The following DSCAML1 variants were observed in gnomAD, a reference collection of about 807,000 sequenced individuals.
DSCAML1 encodes DS cell adhesion molecule like 1, also known as cell adhesion molecule DSCAML1.
In DSCAML1, 38 loss-of-function variants were observed where a neutral mutation model predicts 200.5. The observed-to-expected ratio is 0.19, with a 90% confidence interval of 0.15 to 0.25. The LOEUF is 0.25. Ranked by LOEUF, DSCAML1 falls within the 10% of genes least tolerant of loss-of-function variation. DSCAML1 has a pLI of 1.00. For synonymous variants in DSCAML1, 1,215 were observed against 1,165.0 expected, an observed-to-expected ratio of 1.04 and a Z score of -0.87; for missense variants, 2,223 against 2,858.8, an observed-to-expected ratio of 0.78 and a Z score of 5.07.
intron 3 of DSCAML1, among the ~76,000 whole-genome samples, chr11:117,546,943 T>C (rs1023791277): frequency 6.6e-6 from 1 of 152,142 alleles, no homozygotes; most frequent in Non-Finnish European, 1.5e-5. Context: ...CTCAGCCCCA[T>C]TGTAATAGCA....
At chr11:117,548,522 CACCGTTGGGCCACAGCCTG>C (rs2050417858) in intron 3 of DSCAML1, among the ~76,000 whole-genome samples, 1 of 152,242 alleles carries the variant, frequency 6.6e-6, no homozygotes, top group African/African-American at 2.4e-5. Context: ...TCACGGCTCC[CACCGTTGGGCCACAGCCTG>C]GGACCCAGGA....
chr11:117,629,822 C>A (rs1374784405), intron 3 of DSCAML1, among the ~76,000 whole-genome samples: 2 of 152,090 alleles, frequency 1.3e-5, no homozygotes, highest in Admixed American at 6.5e-5. Flanking sequence ...TAGATCAAGA[C>A]CCCATCGCTA....
At chr11:117,789,085 A>C (rs1203800505) in intron 1 of DSCAML1, among the ~76,000 whole-genome samples, 5 of 152,164 alleles carry the variant, frequency 3.3e-5, no homozygotes, top group African/African-American at 1.2e-4. Context: ...GCACAGCTCA[A>C]GTGTCCTCCC....
intron 19 of DSCAML1, among the ~76,000 whole-genome samples, chr11:117,453,518 T>C (rs1280897976): frequency 6.6e-6 from 1 of 152,188 alleles, no homozygotes; most frequent in Non-Finnish European, 1.5e-5. Context: ...TTAGGTATAA[T>C]ATCATAGGTT....
chr11:117,464,614 C>T (rs765717715), intron 17 of DSCAML1, among the ~76,000 whole-genome samples: 1 of 151,956 alleles, frequency 6.6e-6, no homozygotes, highest in Non-Finnish European at 1.5e-5. Context: ...GGTTAGCGTG[C>T]CAGGAAGAAG....
chr11:117,804,660 G>T (rs1159163321), intron 1 of DSCAML1, among the ~76,000 whole-genome samples: 1 of 152,146 alleles, frequency 6.6e-6, no homozygotes, highest in Non-Finnish European at 1.5e-5. Context: ...TCCGGGCATG[G>T]TGGCTCACGC....
At position 117,435,704 on chromosome 11, in the gene DSCAML1, C is replaced by A. The variant is rs138082991; in HGVS notation, c.4816G>T (p.Val1606Leu). ...GCPVILATLG[V>L]ALLFIVRKKR... is the part of the protein sequence containing the mutation. ...TTGCGTACGATGAAGAGCAGTGCCA[C>A]CCCCAGTGTGGCCAGGATGACAGGG... Residue 1606 changes from valine (V) to leucine (L), a missense_variant, in exon 27 of 33, where the codon GTG becomes TTG. Coordinates refer to ENST00000651296, the MANE Select transcript of DSCAML1 (RefSeq NM_020693.4). 2 of 1,612,814 alleles carry A rather than the reference C, an allele frequency of 1.2e-6. No homozygotes were observed. The highest frequency in any genetic ancestry group is 2.7e-5 in the African/African-American group (2 of 74,930).
At position 117,783,681 on chromosome 11, in the gene DSCAML1, T is replaced by C. The variant is rs11216544; in HGVS notation, c.47-2871A>G. 3.2e-3 allele frequency among the ~76,000 whole-genome samples: 483 copies of C among 152,322 alleles called. 2 individuals carry two copies. Among genetic ancestry groups the C allele is most frequent in the African/African-American group, 0.011 (455 of 41,578 alleles). On this transcript the variant is annotated intron_variant, in intron 1 of 32. Coordinates refer to ENST00000651296, the MANE Select transcript of DSCAML1 (RefSeq NM_020693.4). ...TCCCCAAAGTGATACAATGTGCAAA[T>C]GCCAGAGCTGGGGCTAGAACCCAGC... is the stretch of plus-strand genomic sequence containing the variant.
chr11:117,547,186 G>T (rs570810383), intron 3 of DSCAML1, among the ~76,000 whole-genome samples: 1 of 152,132 alleles, frequency 6.6e-6, no homozygotes, highest in Non-Finnish European at 1.5e-5. Flanking sequence ...GAGCCCAGCC[G>T]GGGGCGACAG....
Position 117,757,597 on chromosome 11 carries a change from C to G in DSCAML1, c.511+19194G>C, listed in dbSNP as rs200849380. On this transcript the variant is annotated intron_variant, in intron 3 of 32. Coordinates refer to ENST00000651296, the MANE Select transcript of DSCAML1 (RefSeq NM_020693.4). ...ATACACACACACACACACACACACA[C>G]ACACACACACACACACACACACAAT... 1.7e-3 allele frequency among the ~76,000 whole-genome samples: 261 copies of G among 151,378 alleles called. 7 individuals carry two copies. In the East Asian group the frequency reaches 0.041, roughly 24 times the overall value.
chr11:117,441,237 G>A (rs1010853150), intron 21 of DSCAML1, among the ~76,000 whole-genome samples: 71 of 152,216 alleles, frequency 4.7e-4, no homozygotes, highest in African/African-American at 1.7e-4. Flanking sequence ...ACTGAAGGAG[G>A]GGCAGGCTTG....
intron 3 of DSCAML1, among the ~76,000 whole-genome samples, chr11:117,616,356 T>C (rs1189643143): frequency 2.6e-5 from 4 of 152,234 alleles, no homozygotes; most frequent in Non-Finnish European, 4.4e-5. Context: ...TCAAGAATTA[T>C]AGTAATCTCT....
Position 117,518,308 on chromosome 11 carries a change from G to T in DSCAML1, c.1510+158C>A. ...CACAAGAATGGATGATGGCGCTTGA[G>T]GAGGGCAGGAAAAGGGGACGAGAGA... On this transcript the variant is annotated intron_variant, in intron 7 of 32. Coordinates refer to ENST00000651296, the MANE Select transcript of DSCAML1 (RefSeq NM_020693.4). The surrounding 1 kb of genome is among the most constrained non-coding windows in gnomAD (Gnocchi z 6.3). 1.0e-6 allele frequency: 1 copy of T among 957,094 alleles called. No homozygotes were observed. The highest frequency in any genetic ancestry group is 1.6e-6 in the Non-Finnish European group (1 of 623,846). 59.3% of individuals were successfully genotyped at this position (957,094 alleles called of 1,614,324 possible).
At chr11:117,520,459 C>G (rs2049863021) in intron 6 of DSCAML1, among the ~76,000 whole-genome samples, 1 of 152,134 alleles carries the variant, frequency 6.6e-6, no homozygotes, top group Admixed American at 6.5e-5. Flanking sequence ...CCTCTGAAGA[C>G]TCCTCTAATA....
intron 3 of DSCAML1, among the ~76,000 whole-genome samples, chr11:117,772,855 GA>G (rs2055064395): frequency 6.6e-6 from 1 of 152,218 alleles, no homozygotes; most frequent in South Asian, 2.1e-4. Flanking sequence ...CCTGGAGAGA[GA>G]AGCAAGGGTG....
At chr11:117,594,262 T>A (rs1212191691) in intron 3 of DSCAML1, among the ~76,000 whole-genome samples, 1 of 152,210 alleles carries the variant, frequency 6.6e-6, no homozygotes, top group African/African-American at 2.4e-5. Context: ...GGGGATACTT[T>A]GACATTTTGG....
chr11:117,650,938 G>A (rs2052620001), intron 3 of DSCAML1, among the ~76,000 whole-genome samples: 1 of 152,242 alleles, frequency 6.6e-6, no homozygotes, highest in Non-Finnish European at 1.5e-5. Context: ...GGAGAGTACA[G>A]GTAGTAAGAG....
chr11:117,771,999 G>T (rs771552168), intron 3 of DSCAML1, among the ~76,000 whole-genome samples: 1 of 152,058 alleles, frequency 6.6e-6, no homozygotes, highest in African/African-American at 2.4e-5. Context: ...GGACTAGGAC[G>T]CAAGACAGAA....
At chr11:117,501,991 CGT>C (rs2049404504) in intron 11 of DSCAML1, among the ~76,000 whole-genome samples, 1 of 151,980 alleles carries the variant, frequency 6.6e-6, no homozygotes, top group East Asian at 1.9e-4. Flanking sequence ...TGAGCCCCAG[CGT>C]GTGTGTGGTG....
Sources: allele counts gnomAD v4.1 joint callset (sites outside exome capture counted in the v4.1 genomes callset), GRCh38; gene constraint gnomAD v4.1.1; non-coding constraint Gnocchi (gnomAD v3.1); transcripts MANE v1.5; gene names NCBI Gene and HGNC (gene_info 2026-07-23, HGNC 2026-07-21).